RPS4Y1: variants seen among roughly 807,000 people sequenced by gnomAD.
RPS4Y1 encodes ribosomal protein S4 Y-linked 1, also known as small ribosomal subunit protein eS4, Y isoform 1.
For missense variants in RPS4Y1, 30 were observed against 60.9 expected, an observed-to-expected ratio of 0.49 and a Z score of 1.69; for synonymous variants, 23 against 20.8, an observed-to-expected ratio of 1.10 and a Z score of -0.28.
chrY:2,854,786 T>TC lies in RPS4Y1; in HGVS notation c.532+18dup. ...ATTTGATACAGGTAAGTTTTTTTTT[T>TC]CCCTTGTGTTGTCTGCCACCTCCCT... On this transcript the variant is annotated intron_variant, in intron 5 of 6. Coordinates refer to ENST00000250784, the MANE Select transcript of RPS4Y1 (RefSeq NM_001008.4). 5.5e-6 allele frequency: 2 copies of TC among 360,995 alleles called. No individual in the cohort carries two copies. Among genetic ancestry groups the TC allele is most frequent in the Non-Finnish European group, 7.9e-6 (2 of 251,822 alleles). The allele number at this position is 360,995 out of a possible 400,897, so 90.0% of individuals were successfully genotyped here.
intron 5 of RPS4Y1, among the ~76,000 whole-genome samples, chrY:2,857,027 T>A: frequency 3.0e-5 from 1 of 32,847 alleles, no homozygotes; most frequent in African/African-American, 1.2e-4. Context: ...GGGCAAAGGT[T>A]TTTTTGTAGT....
intron 3 of RPS4Y1, among the ~76,000 whole-genome samples, 173 bp from the exon 4 acceptor site, chrY:2,845,473 G>T (rs2051152044): frequency 3.0e-5 from 1 of 33,583 alleles, no homozygotes; most frequent in Admixed American, 2.7e-4. Flanking sequence ...GACATGTATT[G>T]GGAGAGGAGC....
intron 6 of RPS4Y1, among the ~76,000 whole-genome samples, chrY:2,866,234 T>G: frequency 2.9e-5 from 1 of 34,393 alleles, no homozygotes; most frequent in Admixed American, 2.6e-4. Flanking sequence ...CATCTTTCAC[T>G]TGTACCCTGG....
intron 3 of RPS4Y1, 47 bp from the exon 4 acceptor site, chrY:2,845,599 A>G (rs2051152147): frequency 1.3e-5 from 4 of 306,483 alleles, no homozygotes; most frequent in African/African-American, 7.1e-5. Flanking sequence ...GGCAAAAGAA[A>G]CTTTGTGTTT....
At chrY:2,854,512 A>G in intron 4 of RPS4Y1, 88 bp from the exon 5 acceptor site, 1 of 241,708 alleles carries the variant, frequency 4.1e-6, no homozygotes. Flanking sequence ...AAATGCTGGA[A>G]ATCGATGGGA....
At chrY:2,860,048 A>C in intron 5 of RPS4Y1, among the ~76,000 whole-genome samples, 1 of 32,974 alleles carries the variant, frequency 3.0e-5, no homozygotes. Flanking sequence ...CCTATATTTC[A>C]TGACTTACTT....
intron 3 of RPS4Y1, among the ~76,000 whole-genome samples, chrY:2,845,412 C>T (rs2051151995): frequency 3.0e-5 from 1 of 33,278 alleles, no homozygotes; most frequent in Non-Finnish European, 7.4e-5. Flanking sequence ...TGCACAAGAA[C>T]ATAGGAAGCA....
At chrY:2,848,857 C>T (rs2124489732) in intron 4 of RPS4Y1, among the ~76,000 whole-genome samples, 1 of 32,803 alleles carries the variant, frequency 3.0e-5, no homozygotes, top group Non-Finnish European at 7.5e-5. Flanking sequence ...TTGTAGTGCA[C>T]CCATCACCTT....
chrY:2,845,289 A>AT (rs2051151879), intron 3 of RPS4Y1, among the ~76,000 whole-genome samples: 2 of 32,470 alleles, frequency 6.2e-5, no homozygotes, highest in Non-Finnish European at 1.5e-4. Flanking sequence ...TGCTTGCTTA[A>AT]ATGTGAGGTC....
At chrY:2,857,107 A>T in intron 5 of RPS4Y1, among the ~76,000 whole-genome samples, 2 of 33,284 alleles carry the variant, frequency 6.0e-5, no homozygotes, top group African/African-American at 2.4e-4. Context: ...AAGATACGTC[A>T]GAGATTTACC....
Position 2,854,781 on chromosome Y carries a change from T to G in RPS4Y1, c.532+10T>G. Reference sequence around the variant, plus strand: ...ATCAAATTTGATACAGGTAAGTTTTTTTTTTCCCTTGTGTTGTCTGCCACC... The same window carrying G: ...ATCAAATTTGATACAGGTAAGTTTTGTTTTTCCCTTGTGTTGTCTGCCACC... On this transcript the variant is annotated intron_variant, in intron 5 of 6. Coordinates refer to ENST00000250784, the MANE Select transcript of RPS4Y1 (RefSeq NM_001008.4). 2.7e-6 allele frequency: 1 copy of G among 370,240 alleles called. No homozygotes were observed. Among genetic ancestry groups the G allele is most frequent in the South Asian group, 3.2e-5 (1 of 31,709 alleles). 92.4% of individuals were successfully genotyped at this position (370,240 alleles called of 400,897 possible).
At chrY:2,844,740 T>C in intron 3 of RPS4Y1, among the ~76,000 whole-genome samples, 3 of 33,245 alleles carry the variant, frequency 9.0e-5, no homozygotes, top group Non-Finnish European at 2.2e-4. Flanking sequence ...TGGCTAACGA[T>C]TGGTCAAGGA....
chrY:2,841,828 C>T, intron 1 of RPS4Y1: 1 of 267,939 alleles, frequency 3.7e-6, no homozygotes, highest in African/African-American at 7.7e-5. Flanking sequence ...GGGGCCGTCA[C>T]GTGAGTCCAT....
intron 5 of RPS4Y1, among the ~76,000 whole-genome samples, chrY:2,855,635 CAAG>C (rs2051159413): frequency 8.9e-5 from 3 of 33,593 alleles, no homozygotes; most frequent in Non-Finnish European, 2.2e-4. Context: ...AAATTTTAGC[CAAG>C]AATGTTTGTT....
chrY:2,856,520 C>G (rs1603309147), intron 5 of RPS4Y1, among the ~76,000 whole-genome samples: 5 of 33,655 alleles, frequency 1.5e-4, no homozygotes, highest in African/African-American at 3.5e-4. Context: ...AAATCAAATT[C>G]CCAGTTAAAA....
chrY:2,861,236 A>G, intron 5 of RPS4Y1, among the ~76,000 whole-genome samples: 2 of 32,201 alleles, frequency 6.2e-5, no homozygotes, highest in Non-Finnish European at 1.5e-4. Flanking sequence ...CATGTTGTTT[A>G]TGGGTTGTTT....
chrY:2,842,240 T>C lies in RPS4Y1; in HGVS notation c.79T>C (p.Phe27Leu), dbSNP rs757216086. Residue 27 changes from phenylalanine to leucine, a missense_variant and splice_region_variant, in exon 2 of 7, where the codon TTT becomes CTT. Physicochemically the swap from Phe to Leu is conservative, Grantham distance 22 (BLOSUM62 0). Transcript: ENST00000250784. The part of the protein sequence containing the change: ...HWMLDKLTGV[F>L]APRPSTGPHK... ...GATGCTTGACAAACTAACGGGTGTATTTGTGAGTATAACTTTGTTTTTTGT... is the reference window on the plus strand; with the variant it reads ...GATGCTTGACAAACTAACGGGTGTACTTGTGAGTATAACTTTGTTTTTTGT... 1 of 392,224 alleles carries C rather than the reference T, an allele frequency of 2.5e-6. No homozygotes were observed. The highest frequency in any genetic ancestry group is 6.6e-5 in the African/African-American group (1 of 15,138).
At chrY:2,862,175 C>T (rs2051164135) in intron 5 of RPS4Y1, among the ~76,000 whole-genome samples, 1 of 31,335 alleles carries the variant, frequency 3.2e-5, no homozygotes. Flanking sequence ...GCTTCAGCCT[C>T]CCAAGTAGCT....
intron 6 of RPS4Y1, among the ~76,000 whole-genome samples, chrY:2,866,016 G>C: frequency 3.0e-5 from 1 of 33,138 alleles, no homozygotes; most frequent in Non-Finnish European, 7.5e-5. Context: ...CGAGTAGCTG[G>C]GACTAAGGCG....
Sources: gnomAD v4.1 joint callset for allele counts (sites outside exome capture counted in the v4.1 genomes callset) on GRCh38, gnomAD v4.1.1 for gene constraint, MANE v1.5 for transcripts, NCBI Gene and HGNC (gene_info 2026-07-23, HGNC 2026-07-21) for gene names.